SNX22: variants seen among roughly 807,000 people sequenced by gnomAD.
SNX22 encodes the protein sorting nexin-22.
Under a neutral mutation model 24.7 loss-of-function variants are expected in SNX22, and 23 were observed. The ratio of observed to expected loss-of-function variants is 0.93; its 90% confidence interval spans 0.67 to 1.32. The LOEUF is 1.32. SNX22 is among the 40% of genes most tolerant of loss of function. The probability of loss-of-function intolerance (pLI) is 0.00; values close to 1 mark genes in which losing one functional copy is unlikely to be tolerated. For synonymous variants in SNX22, 99 were observed against 104.0 expected, an observed-to-expected ratio of 0.95 and a Z score of 0.29; for missense variants, 261 against 249.9, an observed-to-expected ratio of 1.04 and a Z score of -0.30.
chr15:64,152,377 C>A (rs1191316624), intron 2 of SNX22, 51 bp downstream of exon 2: 1 of 1,470,388 alleles, frequency 6.8e-7, no homozygotes, highest in East Asian at 2.5e-5. Flanking sequence ...CTGTCCAGCC[C>A]CCGCCCAGGC....
intron 5 of SNX22, 86 bp downstream of exon 5, chr15:64,153,770 C>G: frequency 6.2e-7 from 1 of 1,604,138 alleles, no homozygotes; most frequent in Non-Finnish European, 8.5e-7. Context: ...CTGGGCCTGT[C>G]TGGCCTGGGC....
At chr15:64,151,899 C>G in intron 1 of SNX22, 49 bp downstream of exon 1, 1 of 1,492,896 alleles carries the variant, frequency 6.7e-7, no homozygotes, top group Non-Finnish European at 9.0e-7. Context: ...CGCAGGATTT[C>G]CCCGCGCTGC....
intron 1 of SNX22, 39 bp downstream of exon 1, chr15:64,151,889 C>T: frequency 6.6e-7 from 1 of 1,506,854 alleles, no homozygotes; most frequent in Non-Finnish European, 8.9e-7. Flanking sequence ...CGCCGGGACC[C>T]GCAGGATTTC....
rs202080377 is a variant in SNX22, at chr15:64,155,818, A to AT, written c.*1312dup. ...CAAGAACCAGGCCCACACATTATAT[A>AT]TTAAAAAAAAAAAAACCCACATTTT... is the stretch of plus-strand genomic sequence containing the variant. On this transcript the variant is annotated 3_prime_UTR_variant, in exon 7 of 7. Coordinates refer to ENST00000325881, the MANE Select transcript of SNX22 (RefSeq NM_024798.3). 32,130 of 511,490 alleles carry AT rather than the reference A, an allele frequency of 0.063. 391 individuals are homozygous for AT. The highest frequency in any genetic ancestry group is 0.096 in the Middle Eastern group (185 of 1,930). 31.7% of individuals were successfully genotyped at this position (511,490 alleles called of 1,614,324 possible).
chr15:64,151,848 A>G lies in SNX22; in HGVS notation c.73A>G (p.Met25Val). The G allele has an allele frequency of 6.5e-7, 1 of 1,535,612 alleles. No individual in the cohort carries two copies. Among genetic ancestry groups the G allele is most frequent in the Non-Finnish European group, 8.7e-7 (1 of 1,143,082 alleles). Residue 25 changes from methionine to valine, a missense_variant and splice_region_variant, in exon 1 of 7, where the codon ATG becomes GTG. By Grantham distance (21) the Met-to-Val change is conservative. Transcript: ENST00000325881. ...GPRQSPEKSH[M>V]VFRVEVLCSG... The stretch of plus-strand genomic sequence containing the variant: ...CAGGCAGAGCCCGGAGAAAAGCCAC[A>G]TGGTGAGCGCGGCCCCTGGATGGGG...
chr15:64,157,032 A>G lies in SNX22; in HGVS notation c.*2524A>G, dbSNP rs544850568. ...CCAGGCTAGGCTGGAGTGGACTACAAGGACATAAAAGCAGCGTCCTTCCTA... is the reference window on the plus strand; with the variant it reads ...CCAGGCTAGGCTGGAGTGGACTACAGGGACATAAAAGCAGCGTCCTTCCTA... On this transcript the variant is annotated 3_prime_UTR_variant, in exon 7 of 7. Coordinates refer to ENST00000325881, the MANE Select transcript of SNX22 (RefSeq NM_024798.3). The surrounding 1 kb of genome is among the most constrained non-coding windows in gnomAD (Gnocchi z 4.2). 1.9e-6 allele frequency: 2 copies of G among 1,038,796 alleles called. No homozygotes were observed. The highest frequency in any genetic ancestry group is 1.6e-5 in the African/African-American group (1 of 62,534). The allele number at this position is 1,038,796 out of a possible 1,614,324, so 64.3% of individuals were successfully genotyped here.
In SNX22 at chr15:64,154,396, C is replaced by A. The variant is rs139157091; in HGVS notation, c.470C>A (p.Pro157His). Reference protein sequence around the residue: ...YVCNPSPESLPNVVVNGVLQG... With the variant: ...YVCNPSPESLHNVVVNGVLQG... ...TAATTCTATCCCACAGAGTCGCTGCCCAACGTGGTGGTGAATGGTGTGCTC... is the reference window on the plus strand; with the variant it reads ...TAATTCTATCCCACAGAGTCGCTGCACAACGTGGTGGTGAATGGTGTGCTC... The change falls in exon 7 of 7, where the codon CCC becomes CAC. Residue 157 changes from proline (P) to histidine (H), a missense_variant. Physicochemically the swap from Pro to His is moderately conservative, Grantham distance 77 (BLOSUM62 -2). Transcript: ENST00000325881. 1 of 1,614,040 alleles carries A rather than the reference C, an allele frequency of 6.2e-7. No homozygotes were observed. Among genetic ancestry groups the A allele is most frequent in the African/African-American group, 1.3e-5 (1 of 74,924 alleles).
intron 3 of SNX22, 182 bp from the exon 4 acceptor site, chr15:64,153,063 C>A: frequency 1.4e-6 from 1 of 710,386 alleles, no homozygotes; most frequent in Non-Finnish European, 2.3e-6. Context: ...TATGCCGCGT[C>A]ATGGGGTACA....
rs756358925 is a variant in SNX22 at position 64,152,697 on chromosome 15, C to T, written c.219C>T (p.Thr73=). Residue 73 remains threonine (T), a synonymous_variant, in exon 3 of 7, where the codon ACC becomes ACT. Coordinates refer to ENST00000325881, the MANE Select transcript of SNX22 (RefSeq NM_024798.3). ...FPSKRLPNWR[T]RGLEQRRQGL... is the part of the protein sequence containing the mutation. ...CGAAACGCCTGCCCAACTGGAGGACCAGAGGGTTGGAACAGCGCCGGCAGG... is the reference window on the plus strand; with the variant it reads ...CGAAACGCCTGCCCAACTGGAGGACTAGAGGGTTGGAACAGCGCCGGCAGG... 2 of 1,614,188 alleles carry T rather than the reference C, an allele frequency of 1.2e-6. No homozygotes were observed. Among genetic ancestry groups the T allele is most frequent in the Non-Finnish European group, 1.7e-6 (2 of 1,180,036 alleles).
In SNX22 at chr15:64,155,004, C is replaced by A. The variant is rs2081517282; in HGVS notation, c.*496C>A. 1.5e-5 allele frequency: 2 copies of A among 129,318 alleles called. No individual in the cohort carries two copies. The highest frequency in any genetic ancestry group is 5.8e-5 in the African/African-American group (2 of 34,270). 8.0% of individuals were successfully genotyped at this position (129,318 alleles called of 1,614,324 possible). ...TTGAGACGGAGTTTCACTCTTGTTGCCCAGGCTGGAATGCAATGGCACGAT... is the reference window on the plus strand; with the variant it reads ...TTGAGACGGAGTTTCACTCTTGTTGACCAGGCTGGAATGCAATGGCACGAT... On this transcript the variant is annotated 3_prime_UTR_variant, in exon 7 of 7. Transcript: ENST00000325881.
intron 6 of SNX22, 164 bp from the exon 7 acceptor site, chr15:64,154,223 G>A: frequency 6.3e-7 from 1 of 1,580,224 alleles, no homozygotes; most frequent in Non-Finnish European, 8.6e-7. Context: ...CCAAGCTGAT[G>A]TGAAAAGAAT....
rs780698990 is a variant in SNX22 at position 64,156,771 on chromosome 15, C to T, written c.*2263C>T. On this transcript the variant is annotated 3_prime_UTR_variant, in exon 7 of 7. Coordinates refer to ENST00000325881, the MANE Select transcript of SNX22 (RefSeq NM_024798.3). The surrounding 1 kb of genome is among the most constrained non-coding windows in gnomAD (Gnocchi z 6.4). ...AAACACCACATGCTTGCCATCTAGC[C>T]AGGCTGTCTTGACTGTCGTGATGAA... 1.2e-5 allele frequency: 20 copies of T among 1,614,072 alleles called. No homozygotes were observed. Among genetic ancestry groups the T allele is most frequent in the Non-Finnish European group, 1.7e-5 (20 of 1,180,038 alleles).
chr15:64,153,502 G>C, intron 4 of SNX22, 150 bp from the exon 5 acceptor site: 7 of 1,484,850 alleles, frequency 4.7e-6, no homozygotes, highest in Non-Finnish European at 6.5e-6. Flanking sequence ...GGACAGACTT[G>C]GTTACCCCCG....
In SNX22 at chr15:64,156,296, T is replaced by C. The variant is rs556052515; in HGVS notation, c.*1788T>C. ...AGGCACCAAAATTCTAACAGACTCC[T>C]GGCCAGAGCAGGGAGAATGCAGATT... is the stretch of plus-strand genomic sequence containing the variant. On this transcript the variant is annotated 3_prime_UTR_variant, in exon 7 of 7. Transcript: ENST00000325881. The surrounding 1 kb of genome is among the most constrained non-coding windows in gnomAD (Gnocchi z 6.4). The C allele has an allele frequency of 1.4e-5, 14 of 1,005,522 alleles. No individual in the cohort carries two copies. The East Asian group carries it at 2.6e-4, about 19-fold the overall frequency. 62.3% of individuals were successfully genotyped at this position (1,005,522 alleles called of 1,614,324 possible). A position where few individuals can be genotyped will look rare whatever the true frequency, so the allele number is the denominator to read the frequency against.
chr15:64,154,788 A>G lies in SNX22; in HGVS notation c.*280A>G. ...CGCGGTGGCTCATGCCTGTAATCCCAGCACTTTGGGAGGCCAAGATGGGTG... is the reference window on the plus strand; with the variant it reads ...CGCGGTGGCTCATGCCTGTAATCCCGGCACTTTGGGAGGCCAAGATGGGTG... On this transcript the variant is annotated 3_prime_UTR_variant, in exon 7 of 7. Coordinates refer to ENST00000325881, the MANE Select transcript of SNX22 (RefSeq NM_024798.3). The G allele has an allele frequency of 3.7e-6, 1 of 271,866 alleles. No individual in the cohort carries two copies. The highest frequency in any genetic ancestry group is 5.6e-5 in the South Asian group (1 of 17,848). 16.8% of individuals were successfully genotyped at this position (271,866 alleles called of 1,614,324 possible). A position where few individuals can be genotyped will look rare whatever the true frequency, so the allele number is the denominator to read the frequency against.
chr15:64,156,900 AT>A lies in SNX22; in HGVS notation c.*2393del. 1 of 1,614,072 alleles carries A rather than the reference AT, an allele frequency of 6.2e-7. No homozygotes were observed. Among genetic ancestry groups the A allele is most frequent in the Non-Finnish European group, 8.5e-7 (1 of 1,179,984 alleles). On this transcript the variant is annotated 3_prime_UTR_variant, in exon 7 of 7. Transcript: ENST00000325881. The surrounding 1 kb of genome is among the most constrained non-coding windows in gnomAD (Gnocchi z 6.4). The stretch of plus-strand genomic sequence containing the variant: ...CTCATCGGGGAAGCGCTCACCGTAG[AT>A]GCTCTTTCCTGGGAAAAAAGACAGA...
Position 64,156,454 on chromosome 15 carries a change from C to A in SNX22, c.*1946C>A. The A allele has an allele frequency of 3.2e-6, 2 of 617,290 alleles. No individual in the cohort carries two copies. Among genetic ancestry groups the A allele is most frequent in the Non-Finnish European group, 5.7e-6 (2 of 348,092 alleles). The allele number at this position is 617,290 out of a possible 1,614,324, so 38.2% of individuals were successfully genotyped here. On this transcript the variant is annotated 3_prime_UTR_variant, in exon 7 of 7. Transcript: ENST00000325881. The surrounding 1 kb of genome is among the most constrained non-coding windows in gnomAD (Gnocchi z 6.4). ...GCGTTCAGCTGCACTCTGTATACCT[C>A]AGGGGTGGGACCAGCACGTCACTGA...
chr15:64,152,921 A>AGGACTGAAAGAG (rs1367220946), intron 3 of SNX22, 179 bp downstream of exon 3: 15 of 625,484 alleles, frequency 2.4e-5, no homozygotes, highest in Non-Finnish European at 3.3e-5. Flanking sequence ...GCTTGTTGAA[A>AGGACTGAAAGAG]GGACTGAAAG....
In SNX22 at chr15:64,153,461, T is replaced by C. The variant is rs541380236; in HGVS notation, c.359+122T>C. 21 of 1,527,956 alleles carry C rather than the reference T, an allele frequency of 1.4e-5. No homozygotes were observed. In the African/African-American group the frequency reaches 2.9e-4, roughly 21 times the overall value. 94.6% of individuals were successfully genotyped at this position (1,527,956 alleles called of 1,614,324 possible). A position where few individuals can be genotyped will look rare whatever the true frequency, so the allele number is the denominator to read the frequency against. Reference sequence around the variant, plus strand: ...ATCCAGCATGACCGCCCTCACCAGCTCTCTTGACCTGGGTGGAGGGGCTTT... The same window carrying C: ...ATCCAGCATGACCGCCCTCACCAGCCCTCTTGACCTGGGTGGAGGGGCTTT... On this transcript the variant is annotated intron_variant, in intron 4 of 6. Coordinates refer to ENST00000325881, the MANE Select transcript of SNX22 (RefSeq NM_024798.3).
Sources: gnomAD v4.1 joint callset for allele counts on GRCh38, gnomAD v4.1.1 for gene constraint, Gnocchi (gnomAD v3.1) non-coding constraint, MANE v1.5 for transcripts, NCBI Gene and HGNC (gene_info 2026-07-23, HGNC 2026-07-21) for gene names.